The following SLC36A1 variants were observed in gnomAD, a reference collection of about 807,000 sequenced individuals.
The protein encoded by SLC36A1 is proton-coupled amino acid transporter 1.
A neutral mutation model predicts 47.5 loss-of-function variants in SLC36A1; 30 were observed. The ratio of observed to expected loss-of-function variants is 0.63; its 90% CI spans 0.47 to 0.86. SLC36A1 has a LOEUF of 0.86. Ranked by LOEUF, SLC36A1 falls within the 40% of genes least tolerant of loss-of-function variation. The probability of loss-of-function intolerance (pLI) is 0.00; values close to 1 mark genes in which losing one functional copy is unlikely to be tolerated. For synonymous variants in SLC36A1, 255 were observed against 249.7 expected (o/e 1.02, Z -0.20); for missense variants, 517 against 606.0 (o/e 0.85, Z 1.54).
At chr5:151,402,073 A>G in the SLC36A1 span, among the ~76,000 whole-genome samples, 1 of 152,188 alleles carries the variant, frequency 6.6e-6, no homozygotes, top group Non-Finnish European at 1.5e-5. Context: ...TCCAGTTCTT[A>G]AGGAGAATGC....
the SLC36A1 span, among the ~76,000 whole-genome samples, chr5:151,426,993 C>T: frequency 8.5e-5 from 13 of 152,206 alleles, no homozygotes; most frequent in Non-Finnish European, 1.5e-4. Flanking sequence ...CATGGTTCTG[C>T]GAGCACAGGG....
the SLC36A1 span, chr5:151,543,312 G>A: frequency 6.2e-7 from 1 of 1,614,170 alleles, no homozygotes; most frequent in South Asian, 1.1e-5. Flanking sequence ...CCAACACCTG[G>A]ATAACCGGAG....
At chr5:151,391,377 A>G in the SLC36A1 span, among the ~76,000 whole-genome samples, 1 of 151,956 alleles carries the variant, frequency 6.6e-6, no homozygotes, top group African/African-American at 2.4e-5. Flanking sequence ...TCTTTTCCTA[A>G]TTGAATACCC....
the SLC36A1 span, chr5:151,509,878 A>C: frequency 2.1e-6 from 2 of 933,524 alleles, no homozygotes; most frequent in Non-Finnish European, 3.2e-6. Flanking sequence ...GTTGGGGACC[A>C]CTGCCCTAAC....
At chr5:151,360,734 A>G in the SLC36A1 span, among the ~76,000 whole-genome samples, 28 of 152,260 alleles carry the variant, frequency 1.8e-4, no homozygotes, top group Admixed American at 1.8e-3. Flanking sequence ...AGTCAAAAGC[A>G]GTCTTCAATC....
the SLC36A1 span, chr5:151,544,849 G>A: frequency 1.2e-6 from 2 of 1,614,226 alleles, no homozygotes; most frequent in Non-Finnish European, 1.7e-6. Flanking sequence ...ATCAGTGGCA[G>A]ATACCTGAAA....
the SLC36A1 span, chr5:151,528,150 G>T: frequency 1.2e-6 from 2 of 1,612,038 alleles, no homozygotes; most frequent in Non-Finnish European, 1.7e-6. Context: ...TGGGGTAGGG[G>T]GATTGTGAAT....
At chr5:151,483,815 C>G (rs375988800) in intron 10 of SLC36A1, among the ~76,000 whole-genome samples, 1 of 152,134 alleles carries the variant, frequency 6.6e-6, no homozygotes. Context: ...GTGGGAGGCT[C>G]GCTCTTCTTG....
chr5:151,382,272 C>A, the SLC36A1 span: 2 of 1,300,802 alleles, frequency 1.5e-6, no homozygotes, highest in Non-Finnish European at 2.2e-6. Flanking sequence ...CTACATAGCA[C>A]ACACAGGCTT....
chr5:151,553,547 G>A, the SLC36A1 span, among the ~76,000 whole-genome samples: 3 of 152,234 alleles, frequency 2.0e-5, no homozygotes, highest in East Asian at 5.8e-4. Context: ...GCTGTAAACA[G>A]GCACCCTGCC....
At chr5:151,487,826 G>A (rs1469168913) in intron 10 of SLC36A1, among the ~76,000 whole-genome samples, 157 bp from the exon 11 acceptor site, 1 of 152,116 alleles carries the variant, frequency 6.6e-6, no homozygotes, top group Admixed American at 6.5e-5. Flanking sequence ...CATGTTTCTG[G>A]GCATCTATTT....
the SLC36A1 span, among the ~76,000 whole-genome samples, chr5:151,532,747 T>C: frequency 6.6e-6 from 1 of 152,214 alleles, no homozygotes; most frequent in African/African-American, 2.4e-5. Flanking sequence ...CAGTTGGCCA[T>C]AGTGTAGGAA....
At position 151,456,405 on chromosome 5, in the gene SLC36A1, A is replaced by G. The variant is rs1296462984; in HGVS notation, c.-5-2383A>G. Among the ~76,000 whole-genome samples the G allele has an allele frequency of 2.6e-5, 4 of 152,332 alleles. No individual in the cohort carries two copies. In the South Asian group the frequency reaches 8.3e-4, roughly 32 times the overall value. On this transcript the variant is annotated intron_variant, in intron 1 of 10. Coordinates refer to ENST00000243389, the MANE Select transcript of SLC36A1 (RefSeq NM_078483.4). The stretch of plus-strand genomic sequence containing the variant: ...AGTTTATGCCCCATGCTTTTTGCAC[A>G]TTTGAAAATGGTTCACAGGTACTAA...
At chr5:151,543,692 G>A in the SLC36A1 span, 1 of 1,614,136 alleles carries the variant, frequency 6.2e-7, no homozygotes, top group Non-Finnish European at 8.5e-7. Flanking sequence ...TGGAACTCTG[G>A]GCTGTACTTG....
the SLC36A1 span, chr5:151,507,163 C>T: frequency 2.5e-6 from 4 of 1,582,682 alleles, no homozygotes; most frequent in South Asian, 1.2e-5. Flanking sequence ...CCCATCTCCT[C>T]GCTGGACCAG....
At chr5:151,521,714 G>T in the SLC36A1 span, 1 of 1,613,954 alleles carries the variant, frequency 6.2e-7, no homozygotes, top group South Asian at 1.1e-5. Flanking sequence ...GCCTGCTGCA[G>T]AGCCTCCTGC....
chr5:151,521,250 G>T, the SLC36A1 span: 3 of 1,569,684 alleles, frequency 1.9e-6, no homozygotes, highest in Non-Finnish European at 2.6e-6. Flanking sequence ...AGTGCTGCTC[G>T]TCCCTAGGGA....
At chr5:151,433,586 C>T (rs1233211486), upstream of SLC36A1, among the ~76,000 whole-genome samples, 5 of 151,452 alleles carry the variant, frequency 3.3e-5, no homozygotes, top group African/African-American at 7.3e-5. Context: ...CCACCACGCC[C>T]GGCCTGAATA....
At chr5:151,364,627 G>A in the SLC36A1 span, among the ~76,000 whole-genome samples, 9 of 152,202 alleles carry the variant, frequency 5.9e-5, no homozygotes, top group Non-Finnish European at 1.3e-4. Flanking sequence ...CCTAAAAGGA[G>A]TAAATGAACT....
Sources: gnomAD v4.1 joint callset for allele counts (sites outside exome capture counted in the v4.1 genomes callset) on GRCh38, gnomAD v4.1.1 for gene constraint, MANE v1.5 for transcripts, NCBI Gene and HGNC (gene_info 2026-07-23, HGNC 2026-07-21) for gene names.